GPHN: variants seen among roughly 807,000 people sequenced by gnomAD.
The protein encoded by GPHN is gephyrin.
GPHN carries 17 observed loss-of-function variants against 95.5 expected under a neutral mutation model. The ratio of observed to expected loss-of-function variants is 0.18; its 90% CI spans 0.12 to 0.27. The LOEUF (loss-of-function observed/expected upper bound fraction) is 0.27, where lower values mean the gene tolerates loss of function less well. GPHN is among the 10% of genes least tolerant of loss of function. The probability of loss-of-function intolerance (pLI) is 1.00; values close to 1 mark genes in which losing one functional copy is unlikely to be tolerated. For synonymous variants in GPHN, 320 were observed against 322.5 expected (o/e 0.99, Z 0.08); for missense variants, 660 against 978.1 (o/e 0.67, Z 4.34).
chr14:66,800,360 G>A lies in GPHN; in HGVS notation c.201+23839G>A, dbSNP rs141894756. ...TTCTGATCGAAGTACTTCGTTTAGC[G>A]TGTCTTGTAAGACAGATCTGGTGTT... On this transcript the variant is annotated intron_variant, in intron 3 of 22. Transcript: ENST00000478722. 1.3e-4 allele frequency among the ~76,000 whole-genome samples: 20 copies of A among 152,130 alleles called. No homozygotes were observed. In the East Asian group the frequency reaches 1.9e-3, roughly 15 times the overall value.
chr14:66,969,524 G>T (rs1456546635), intron 9 of GPHN: 1 of 152,278 alleles, frequency 6.6e-6, no homozygotes, highest in South Asian at 2.1e-4. Flanking sequence ...TCAAGGCCGG[G>T]CACAGTGGCT....
the GPHN span, among the ~76,000 whole-genome samples, chr14:67,641,673 C>T: frequency 2.0e-5 from 3 of 152,190 alleles, no homozygotes; most frequent in African/African-American, 7.2e-5. Context: ...AGGCAGGTGG[C>T]TCATGCCCAT....
rs149961353 is a variant in GPHN at position 66,628,563 on chromosome 14, T to C, written c.65-52544T>C. Among the ~76,000 whole-genome samples the C allele has an allele frequency of 5.9e-3, 895 of 152,168 alleles. 9 individuals carry two copies. Among genetic ancestry groups the C allele is most frequent in the African/African-American group, 0.021 (874 of 41,518 alleles). On this transcript the variant is annotated intron_variant, in intron 1 of 22. Coordinates refer to ENST00000478722, the MANE Select transcript of GPHN (RefSeq NM_020806.5). ...AGGTTGCTTCGGGTAGGTGAGTGAG[T>C]GAATGGTGAAGGCCTAGGACTTTAC...
intron 4 of GPHN, among the ~76,000 whole-genome samples, chr14:66,849,264 A>G (rs2062476657): frequency 6.6e-6 from 1 of 151,952 alleles, no homozygotes; most frequent in South Asian, 2.1e-4. Context: ...GGATTTGTCA[A>G]TCACTGAAAA....
the GPHN span, chr14:67,201,866 C>T: frequency 7.2e-4 from 125 of 173,234 alleles, 5 homozygotes; most frequent in Admixed American, 3.6e-4. Flanking sequence ...TCCTTCATTT[C>T]CCTGTCTGCC....
the GPHN span, among the ~76,000 whole-genome samples, chr14:67,466,129 C>T: frequency 6.6e-6 from 1 of 152,248 alleles, no homozygotes; most frequent in African/African-American, 2.4e-5. Flanking sequence ...CAACCCCATA[C>T]TTTAACTAAG....
the GPHN span, among the ~76,000 whole-genome samples, chr14:67,323,301 A>G: frequency 6.7e-6 from 1 of 148,682 alleles, no homozygotes; most frequent in African/African-American, 2.5e-5. Context: ...CTTACAGTGA[A>G]TGGTAGGATC....
chr14:67,028,492 A>G (rs757729904), intron 10 of GPHN, among the ~76,000 whole-genome samples: 21 of 152,170 alleles, frequency 1.4e-4, no homozygotes, highest in Non-Finnish European at 2.6e-4. Context: ...AACAGTGTAT[A>G]AGAGTTCCCT....
At chr14:66,901,723 T>C (rs1222612778) in intron 5 of GPHN, among the ~76,000 whole-genome samples, 1 of 152,050 alleles carries the variant, frequency 6.6e-6, no homozygotes, top group Non-Finnish European at 1.5e-5. Context: ...ATCTTCCCCA[T>C]TGGTCTCGCA....
the GPHN span, among the ~76,000 whole-genome samples, chr14:67,280,981 T>G: frequency 6.6e-6 from 1 of 151,302 alleles, no homozygotes; most frequent in Non-Finnish European, 1.5e-5. Flanking sequence ...CACAGCAATC[T>G]CCGCCTTCCC....
Position 66,906,480 on chromosome 14 carries a change from A to G in GPHN, c.390-9523A>G, listed in dbSNP as rs185950102. 2.0e-4 allele frequency among the ~76,000 whole-genome samples: 31 copies of G among 152,306 alleles called. 1 individual carries two copies. The highest frequency in any genetic ancestry group is 1.8e-3 in the Admixed American group (28 of 15,298). On this transcript the variant is annotated intron_variant, in intron 5 of 22. Transcript: ENST00000478722. Reference sequence around the variant, plus strand: ...ATTTTCTACATGCTTCGTGCAAGGCAGGATGGGGAGGAGGAACATCATGGA... The same window carrying G: ...ATTTTCTACATGCTTCGTGCAAGGCGGGATGGGGAGGAGGAACATCATGGA...
intron 6 of GPHN, among the ~76,000 whole-genome samples, chr14:66,922,124 GA>G (rs1248804193): frequency 2.0e-5 from 3 of 151,920 alleles, no homozygotes; most frequent in Non-Finnish European, 4.4e-5. Context: ...GATAACATTG[GA>G]AAAACCCTTC....
intron 16 of GPHN, among the ~76,000 whole-genome samples, chr14:67,115,374 A>T (rs2078620296): frequency 6.6e-6 from 1 of 152,236 alleles, no homozygotes; most frequent in African/African-American, 2.4e-5. Flanking sequence ...TAATGTAGCA[A>T]GGCCATAATT....
the GPHN span, among the ~76,000 whole-genome samples, chr14:67,574,765 C>G: frequency 6.6e-6 from 1 of 152,112 alleles, no homozygotes; most frequent in South Asian, 2.1e-4. This position sits in a 1 kb window ranked among gnomAD's most constrained non-coding sequence, Gnocchi z 4.2. Flanking sequence ...TCCTCAAAGA[C>G]TTAAAGTATC....
intron 3 of GPHN, among the ~76,000 whole-genome samples, chr14:66,778,650 C>G (rs182580414): frequency 1.6e-3 from 234 of 147,748 alleles, no homozygotes; most frequent in African/African-American, 5.6e-3. Flanking sequence ...ATCAAGTTCA[C>G]TAAATTCAAA....
At chr14:67,657,832 T>C in the GPHN span, among the ~76,000 whole-genome samples, 1 of 148,776 alleles carries the variant, frequency 6.7e-6, no homozygotes, top group Non-Finnish European at 1.5e-5. Context: ...CACTGCAGCC[T>C]CTGCCTCCCG....
At chr14:66,957,941 T>C (rs2068642025) in intron 8 of GPHN, among the ~76,000 whole-genome samples, 2 of 152,206 alleles carry the variant, frequency 1.3e-5, no homozygotes, top group Non-Finnish European at 2.9e-5. Context: ...TAATCCCTGA[T>C]GATCTGAGGT....
chr14:67,706,218 A>G, the GPHN span: 3 of 152,312 alleles, frequency 2.0e-5, no homozygotes, highest in African/African-American at 4.8e-5. Flanking sequence ...CAGCCACTAC[A>G]CTCCAGCCTG....
Position 67,169,146 on chromosome 14 carries a change from G to A in GPHN, c.2079+110G>A, listed in dbSNP as rs1265935471. ...CTAGAGTTTTCTATTAGTTTTGATG[G>A]AAAATGTGATTATATTCTCCCCCTG... On this transcript the variant is annotated intron_variant, in intron 21 of 22. Transcript: ENST00000478722. The A allele has an allele frequency of 5.3e-6, 4 of 759,496 alleles. No homozygotes were observed. In the East Asian group the frequency reaches 1.0e-4, roughly 19 times the overall value. The allele number at this position is 759,496 out of a possible 1,614,324, so 47.0% of individuals were successfully genotyped here.
Sources: allele counts gnomAD v4.1 joint callset (sites outside exome capture counted in the v4.1 genomes callset), GRCh38; gene constraint gnomAD v4.1.1; non-coding constraint Gnocchi (gnomAD v3.1); transcripts MANE v1.5; gene names NCBI Gene and HGNC (gene_info 2026-07-23, HGNC 2026-07-21).